MSLN: variants seen among roughly 807,000 people sequenced by gnomAD.
MSLN encodes CAK1 antigen.
Under a neutral mutation model 72.6 loss-of-function variants are expected in MSLN, and 82 were observed. The observed-to-expected ratio is 1.13, with a 90% confidence interval of 0.94 to 1.36. The LOEUF is 1.36. Among genes scored for constraint, MSLN ranks in the 40% most tolerant of loss-of-function variants. MSLN has a pLI of 0.00. For synonymous variants in MSLN, 456 were observed against 387.3 expected, an observed-to-expected ratio of 1.18 and a Z score of -2.08; for missense variants, 1,005 against 847.9, an observed-to-expected ratio of 1.19 and a Z score of -2.30.
In MSLN at chr16:765,248, C is replaced by G; in HGVS notation, c.649C>G (p.Gln217Glu). 1 of 1,583,482 alleles carries G rather than the reference C, an allele frequency of 6.3e-7. No individual in the cohort carries two copies. The highest frequency in any genetic ancestry group is 8.5e-7 in the Non-Finnish European group (1 of 1,171,292). Residue 217 changes from glutamine to glutamate, a missense_variant, in exon 9 of 18, where the codon CAG (glutamine) becomes GAG (glutamate). Gln to Glu is a conservative substitution (Grantham distance 29). Transcript: ENST00000545450. ...GGTGAGCTGCCCGGGACCCCTGGAC[C>G]AGGACCAGCAGGAGGCAGCCAGGGC... ...RLVSCPGPLDQDQQEAARAAL... is the reference protein window; with the variant it reads ...RLVSCPGPLDEDQQEAARAAL...
Position 764,743 on chromosome 16 carries a change from G to A in MSLN, c.380+17G>A, listed in dbSNP as rs753692746. 1 of 1,595,894 alleles carries A rather than the reference G, an allele frequency of 6.3e-7. No homozygotes were observed. Among genetic ancestry groups the A allele is most frequent in the African/African-American group, 1.4e-5 (1 of 73,570 alleles). ...ATTCCTCAAGTAGGCCCTGCCCCCT[G>A]AACCCACCCCCCCGGCTTTTGCCGC... On this transcript the variant is annotated intron_variant, in intron 7 of 17. Coordinates refer to ENST00000545450, the MANE Select transcript of MSLN (RefSeq NM_005823.6).
rs2041559077 is a variant in MSLN at position 763,240 on chromosome 16, G to A, written c.93G>A (p.Val31=). 2.6e-6 allele frequency: 4 copies of A among 1,542,586 alleles called. No individual in the cohort carries two copies. Among genetic ancestry groups the A allele is most frequent in the South Asian group, 1.2e-5 (1 of 82,908 alleles). ...LLFLLFSLGW[V]QPSRTLAGET... is the part of the protein sequence containing the mutation. ...TCCCCTCTGCCCCTTTAGGATGGGTGCAGCCCTCGAGGACCCTGGCTGGAG... is the reference window on the plus strand; with the variant it reads ...TCCCCTCTGCCCCTTTAGGATGGGTACAGCCCTCGAGGACCCTGGCTGGAG... The change falls in exon 4 of 18, where the codon GTG becomes GTA. Residue 31 remains valine (V), a synonymous_variant. Coordinates refer to ENST00000545450, the MANE Select transcript of MSLN (RefSeq NM_005823.6).
intron 6 of MSLN, among the ~76,000 whole-genome samples, chr16:764,359 C>T (rs573874782): frequency 2.6e-5 from 4 of 152,338 alleles, no homozygotes; most frequent in South Asian, 2.1e-4. Context: ...TCTGATATGA[C>T]GCTGTGTGCT....
chr16:763,754 G>A, intron 5 of MSLN, 63 bp downstream of exon 5: 9 of 546,412 alleles, frequency 1.6e-5, no homozygotes, highest in Non-Finnish European at 1.9e-5. Context: ...GACTGAGGGT[G>A]GGCAGGGCAC....
At chr16:767,327 TG>T in intron 15 of MSLN, 48 bp from the exon 16 acceptor site, 5 of 1,516,402 alleles carry the variant, frequency 3.3e-6, no homozygotes, top group Non-Finnish European at 4.6e-6. Context: ...GTCAAGGGCC[TG>T]GGGGTGTGAG....
In MSLN at chr16:765,560, C is replaced by T. The variant is rs754476044; in HGVS notation, c.738C>T (p.Asp246=). The T allele has an allele frequency of 3.1e-5, 50 of 1,606,810 alleles. No individual in the cohort carries two copies. Among genetic ancestry groups the T allele is most frequent in the East Asian group, 6.7e-5 (3 of 44,876 alleles). The part of the protein sequence containing the change: ...PPSTWSVSTM[D]ALRGLLPVLG... ...CGACATGGTCTGTCTCCACGATGGA[C>T]GCTCTGCGGGGCCTGCTGCCCGTGC... The change falls in exon 10 of 18, where the codon GAC becomes GAT. Residue 246 remains aspartate, a synonymous_variant. Coordinates refer to ENST00000545450, the MANE Select transcript of MSLN (RefSeq NM_005823.6).
In MSLN at chr16:767,388, C is replaced by T. The variant is rs143125992; in HGVS notation, c.1514C>T (p.Thr505Met). The T allele has an allele frequency of 1.9e-4, 302 of 1,608,070 alleles. No homozygotes were observed. The highest frequency in any genetic ancestry group is 1.0e-3 in the Middle Eastern group (6 of 6,020). Residue 505 changes from threonine (T) to methionine (M), a missense_variant, in exon 16 of 18, where the codon ACG (threonine) becomes ATG (methionine). By Grantham distance (81) the Thr-to-Met change is moderately conservative. Coordinates refer to ENST00000545450, the MANE Select transcript of MSLN (RefSeq NM_005823.6). ...KIQSFLGGAP[T>M]EDLKALSQQN... Reference sequence around the variant, plus strand: ...TCCCGGCGGGCAGGTGGGGCCCCCACGGAGGATTTGAAGGCGCTCAGTCAG... The same window carrying T: ...TCCCGGCGGGCAGGTGGGGCCCCCATGGAGGATTTGAAGGCGCTCAGTCAG...
At chr16:768,227 C>A in intron 16 of MSLN, 152 bp from the exon 17 acceptor site, 1 of 714,316 alleles carries the variant, frequency 1.4e-6, no homozygotes. Flanking sequence ...AGCCATTGAG[C>A]TGAGGTCAGC....
Position 768,338 on chromosome 16 carries a change from G to A in MSLN, c.1597-41G>A, listed in dbSNP as rs774431258. On this transcript the variant is annotated intron_variant, in intron 16 of 17. Coordinates refer to ENST00000545450, the MANE Select transcript of MSLN (RefSeq NM_005823.6). ...TGGCAGCCCTCTGGCGGCGCTGAGGGAAGGAGACCCTCCTTGATGGCTGCC... is the reference window on the plus strand; with the variant it reads ...TGGCAGCCCTCTGGCGGCGCTGAGGAAAGGAGACCCTCCTTGATGGCTGCC... 8 of 1,494,432 alleles carry A rather than the reference G, an allele frequency of 5.4e-6. No homozygotes were observed. The East Asian group carries it at 1.6e-4, about 30-fold the overall frequency. 92.6% of individuals were successfully genotyped at this position (1,494,432 alleles called of 1,614,324 possible).
rs115279916 is a variant in MSLN at position 765,593 on chromosome 16, G to C, written c.771G>C (p.Gln257His). The change falls in exon 10 of 18, where the codon CAG (glutamine) becomes CAC (histidine). Residue 257 changes from glutamine (Q) to histidine (H), a missense_variant. By Grantham distance (24) the Gln-to-His change is conservative. Transcript: ENST00000545450. ...GGGGCCTGCTGCCCGTGCTGGGCCA[G>C]CCCATCATCCGCAGCATCCCGCAGG... ...ALRGLLPVLG[Q>H]PIIRSIPQGI... 2.9e-3 allele frequency: 4,658 copies of C among 1,605,076 alleles called. 133 individuals are homozygous for C. The African/African-American group carries it at 0.051, about 18-fold the overall frequency.
rs759622794 is a variant in MSLN at position 766,167 on chromosome 16, A to G, written c.1004A>G (p.Gln335Arg). ...GTGGATGCGGCCCTGCTGGCCACCC[A>G]GATGGACCGCGTGAACGCCATCCCC... ...ACVDAALLAT[Q>R]MDRVNAIPFT... The change falls in exon 12 of 18, where the codon CAG becomes CGG. Residue 335 changes from glutamine (Q) to arginine (R), a missense_variant. Physicochemically the swap from Gln to Arg is conservative, Grantham distance 43. Coordinates refer to ENST00000545450, the MANE Select transcript of MSLN (RefSeq NM_005823.6). The G allele has an allele frequency of 6.2e-7, 1 of 1,612,756 alleles. No homozygotes were observed. Among genetic ancestry groups the G allele is most frequent in the South Asian group, 1.1e-5 (1 of 91,088 alleles).
At position 766,123 on chromosome 16, in the gene MSLN, G is replaced by A; in HGVS notation, c.960G>A (p.Lys320=). ...ACGAGAGCCTCATCTTCTACAAGAA[G>A]TGGGAGCTGGAAGCCTGCGTGGATG... ...EIDESLIFYK[K]WELEACVDAA... is the part of the protein sequence containing the mutation. The change falls in exon 12 of 18, where the codon AAG becomes AAA. Residue 320 remains lysine (K), a synonymous_variant. Coordinates refer to ENST00000545450, the MANE Select transcript of MSLN (RefSeq NM_005823.6). The A allele has an allele frequency of 6.2e-7, 1 of 1,612,764 alleles. No individual in the cohort carries two copies. The highest frequency in any genetic ancestry group is 8.5e-7 in the Non-Finnish European group (1 of 1,179,920).
Position 765,544 on chromosome 16 carries a change from C to T in MSLN, c.722C>T (p.Ser241Phe). ...GPPYGPPSTWSVSTMDALRGL... is the reference protein window; with the variant it reads ...GPPYGPPSTWFVSTMDALRGL... ...CTGCACAGCCCCCCGTCGACATGGT[C>T]TGTCTCCACGATGGACGCTCTGCGG... Residue 241 changes from serine (S) to phenylalanine (F), a missense_variant, in exon 10 of 18, where the codon TCT becomes TTT. Transcript: ENST00000545450. The T allele has an allele frequency of 1.9e-6, 3 of 1,606,874 alleles. No homozygotes were observed. Among genetic ancestry groups the T allele is most frequent in the Non-Finnish European group, 2.5e-6 (3 of 1,179,278 alleles).
rs368644358 is a variant in MSLN at position 767,123 on chromosome 16, G to T, written c.1501+111G>T. On this transcript the variant is annotated intron_variant, in intron 15 of 17. Transcript: ENST00000545450. ...CGGGCCGTCTGCTGCCAGGGTAACT[G>T]GGTGGTCACCCGCCCTCTGCCCCCC... 6.3e-5 allele frequency: 96 copies of T among 1,528,788 alleles called. 1 individual carries two copies. The East Asian group carries it at 1.5e-3, about 23-fold the overall frequency. 94.7% of individuals were successfully genotyped at this position (1,528,788 alleles called of 1,614,324 possible).
intron 6 of MSLN, 46 bp from the exon 7 acceptor site, chr16:764,601 G>A: frequency 6.5e-7 from 1 of 1,528,480 alleles, no homozygotes; most frequent in Non-Finnish European, 9.1e-7. Flanking sequence ...CCCACCATGT[G>A]AGTGGCGGCT....
chr16:768,742 C>G lies in MSLN; in HGVS notation c.*9C>G, dbSNP rs377340254. 2 of 1,609,768 alleles carry G rather than the reference C, an allele frequency of 1.2e-6. No homozygotes were observed. Among genetic ancestry groups the G allele is most frequent in the Non-Finnish European group, 1.7e-6 (2 of 1,179,270 alleles). ...CCTCCACCCTGGCCTGAGGGCCCCA[C>G]TCCCTTGCTGGCCCCAGCCCTGCTG... On this transcript the variant is annotated 3_prime_UTR_variant, in exon 18 of 18. Coordinates refer to ENST00000545450, the MANE Select transcript of MSLN (RefSeq NM_005823.6).
chr16:764,256 C>A, intron 6 of MSLN, 113 bp downstream of exon 6: 1 of 1,397,816 alleles, frequency 7.2e-7, no homozygotes, highest in Non-Finnish European at 9.5e-7. Flanking sequence ...GCTGCCATCT[C>A]TCCCCGGCCA....
rs372994754 is a variant in MSLN, at chr16:762,765, G to A, written c.85G>A (p.Gly29Arg). 51 of 1,580,528 alleles carry A rather than the reference G, an allele frequency of 3.2e-5. No homozygotes were observed. The highest frequency in any genetic ancestry group is 5.5e-5 in the Admixed American group (3 of 54,362). Residue 29 changes from glycine (G) to arginine (R), a missense_variant and splice_region_variant, in exon 3 of 18, where the codon GGA (glycine) becomes AGA (arginine). Transcript: ENST00000545450. ...GSLLFLLFSL[G>R]WVQPSRTLAG... ...CCTCCTGTTCCTGCTCTTCAGCCTC[G>A]GTGCGTACTTGATGGGGCTGCTGGT...
chr16:766,036 C>T (rs2041602990), intron 11 of MSLN, 23 bp from the exon 12 acceptor site: 4 of 1,587,470 alleles, frequency 2.5e-6, no homozygotes, highest in East Asian at 4.6e-5. Flanking sequence ...CCGGCCCTGA[C>T]CCCTGACCCC....
Sources: gnomAD v4.1 joint callset for allele counts (sites outside exome capture counted in the v4.1 genomes callset) on GRCh38, gnomAD v4.1.1 for gene constraint, MANE v1.5 for transcripts, NCBI Gene and HGNC (gene_info 2026-07-23, HGNC 2026-07-21) for gene names.